Variants in PPP1R9A observed in about 807,000 individuals in gnomAD.
PPP1R9A encodes protein phosphatase 1 regulatory subunit 9A, also known as neurabin-1.
A neutral mutation model predicts 141.9 loss-of-function variants in PPP1R9A; 59 were observed. The ratio of observed to expected loss-of-function variants is 0.42; its 90% confidence interval spans 0.34 to 0.52. The LOEUF (loss-of-function observed/expected upper bound fraction) is 0.52. PPP1R9A is among the 20% of genes least tolerant of loss of function. The pLI, the probability that PPP1R9A is intolerant of heterozygous loss-of-function variation, is 0.10. For missense variants in PPP1R9A, 1,444 were observed against 1,611.9 expected (o/e 0.90, Z 1.78); for synonymous variants, 500 against 569.7 (o/e 0.88, Z 1.74).
At chr7:95,215,216 C>G (rs192094968) in intron 7 of PPP1R9A, among the ~76,000 whole-genome samples, 1 of 147,090 alleles carries the variant, frequency 6.8e-6, no homozygotes, top group South Asian at 2.2e-4. Context: ...TGAGAACATG[C>G]GGTGTTTGTT....
chr7:95,069,763 T>A (rs1018959363), intron 2 of PPP1R9A, among the ~76,000 whole-genome samples: 4 of 152,088 alleles, frequency 2.6e-5, no homozygotes, highest in Admixed American at 6.6e-5. Context: ...TTCTTTTTCA[T>A]GAGAATGTTC....
chr7:95,022,823 T>G (rs1806188841), intron 2 of PPP1R9A, among the ~76,000 whole-genome samples: 2 of 152,220 alleles, frequency 1.3e-5, no homozygotes, highest in African/African-American at 2.4e-5. Flanking sequence ...ATCTCAGGGA[T>G]GAAGCCAACT....
chr7:95,072,689 AT>A (rs1254868969), intron 2 of PPP1R9A, among the ~76,000 whole-genome samples: 1 of 117,506 alleles, frequency 8.5e-6, no homozygotes, highest in Non-Finnish European at 1.7e-5. Context: ...CATATTATAT[AT>A]TATGTAATAT....
At chr7:95,264,662 A>C (rs1563523964) in intron 12 of PPP1R9A, among the ~76,000 whole-genome samples, 1 of 152,170 alleles carries the variant, frequency 6.6e-6, no homozygotes, top group East Asian at 1.9e-4. Context: ...CTGCTCTGTC[A>C]TTAGCTACTT....
intron 2 of PPP1R9A, among the ~76,000 whole-genome samples, chr7:95,055,281 ATTTCTGTTGAGAACTCTAGTACTGAAGT>A (rs537502623): frequency 1.5e-3 from 221 of 151,320 alleles, no homozygotes; most frequent in African/African-American, 5.1e-3. Flanking sequence ...CAACCTCCCC[ATTTCTGTTGAGAACTCTAGTACTGAAGT>A]TTTCTGTTGA....
At chr7:94,925,707 C>A (rs1020230958) in intron 2 of PPP1R9A, among the ~76,000 whole-genome samples, 11 of 152,152 alleles carry the variant, frequency 7.2e-5, no homozygotes, top group African/African-American at 2.4e-4. Flanking sequence ...CACCGCTTGG[C>A]ACATTGTAGG....
intron 2 of PPP1R9A, among the ~76,000 whole-genome samples, chr7:95,086,363 ATAAG>A (rs1816636143): frequency 6.6e-6 from 1 of 152,070 alleles, no homozygotes; most frequent in South Asian, 2.1e-4. Flanking sequence ...TGACACAAAT[ATAAG>A]TAAGCATTTT....
chr7:95,267,793 CAAA>C (rs1801536033), intron 12 of PPP1R9A, among the ~76,000 whole-genome samples: 1 of 152,040 alleles, frequency 6.6e-6, no homozygotes, highest in Non-Finnish European at 1.5e-5. Flanking sequence ...GAGGCACATA[CAAA>C]TAACTTGTAA....
chr7:95,203,748 A>G lies in PPP1R9A; in HGVS notation c.1956+18A>G. 1 of 1,502,556 alleles carries G rather than the reference A, an allele frequency of 6.7e-7. No individual in the cohort carries two copies. The highest frequency in any genetic ancestry group is 9.0e-7 in the Non-Finnish European group (1 of 1,116,296). The allele number at this position is 1,502,556 out of a possible 1,614,324, so 93.1% of individuals were successfully genotyped here. A position where few individuals can be genotyped will look rare whatever the true frequency, so the allele number is the denominator to read the frequency against. ...TTCTTAAGGTTTGTTTTTTGGTTTA[A>G]AGTAATGCTTACCTGTACTTTCCTG... On this transcript the variant is annotated intron_variant, in intron 7 of 19. Transcript: ENST00000433360.
At chr7:95,194,719 C>CAAAAAAAAAA (rs372060355) in intron 5 of PPP1R9A, among the ~76,000 whole-genome samples, 1 of 114,592 alleles carries the variant, frequency 8.7e-6, no homozygotes, top group Non-Finnish European at 2.0e-5. Flanking sequence ...CTTACAATAC[C>CAAAAAAAAAA]AAAAAAAAAA....
intron 2 of PPP1R9A, among the ~76,000 whole-genome samples, chr7:95,035,399 A>C (rs1358514479): frequency 6.6e-6 from 1 of 152,150 alleles, no homozygotes. Flanking sequence ...ATAGGAAAAA[A>C]TGTGAAATTT....
In PPP1R9A at chr7:94,910,656, C is replaced by G; in HGVS notation, c.543C>G (p.Asn181Lys). 6.2e-7 allele frequency: 1 copy of G among 1,614,154 alleles called. No homozygotes were observed. The highest frequency in any genetic ancestry group is 8.5e-7 in the Non-Finnish European group (1 of 1,180,024). Residue 181 changes from asparagine to lysine, a missense_variant, in exon 2 of 20, where the codon AAC becomes AAG. By Grantham distance (94) the Asn-to-Lys change is moderately conservative (BLOSUM62 0). Transcript: ENST00000433360. The surrounding 1 kb of genome is among the most constrained non-coding windows in gnomAD (Gnocchi z 4.5). ...ATGAATGGGGAGGTTCCAAGTCCAA[C>G]AGAGGCAGTACTGATTCCTTGGACA... ...PQDEWGGSKSNRGSTDSLDSL... is the reference protein window; with the variant it reads ...PQDEWGGSKSKRGSTDSLDSL...
rs1806441905 is a variant in PPP1R9A at position 95,292,120 on chromosome 7, C to G, written c.*1817C>G. 6.6e-6 allele frequency: 1 copy of G among 152,080 alleles called. No individual in the cohort carries two copies. Among genetic ancestry groups the G allele is most frequent in the Admixed American group, 6.6e-5 (1 of 15,264 alleles). 9.4% of individuals were successfully genotyped at this position (152,080 alleles called of 1,614,324 possible). On this transcript the variant is annotated 3_prime_UTR_variant, in exon 20 of 20. Transcript: ENST00000433360. ...AAGTAACATTGTGTTTTACAGTTAT[C>G]AAAGTCACCATTATGTTTTTCTGTC...
chr7:95,025,643 C>G (rs533510165), intron 2 of PPP1R9A, among the ~76,000 whole-genome samples: 1 of 152,220 alleles, frequency 6.6e-6, no homozygotes, highest in East Asian at 1.9e-4. Flanking sequence ...GGCAAGTTCT[C>G]CTGGATAAAA....
At chr7:95,050,054 T>C (rs1007623680) in intron 2 of PPP1R9A, among the ~76,000 whole-genome samples, 4 of 152,202 alleles carry the variant, frequency 2.6e-5, no homozygotes, top group Non-Finnish European at 4.4e-5. Flanking sequence ...GGTTAGAGTA[T>C]ATTTAGTTTT....
intron 2 of PPP1R9A, among the ~76,000 whole-genome samples, chr7:95,080,223 T>G (rs963282361): frequency 6.6e-6 from 1 of 152,212 alleles, no homozygotes. Context: ...CTTAAGCTGA[T>G]AAGCAACTTC....
intron 2 of PPP1R9A, among the ~76,000 whole-genome samples, chr7:95,109,641 G>A (rs1475336596): frequency 6.6e-6 from 1 of 152,018 alleles, no homozygotes; most frequent in Non-Finnish European, 1.5e-5. Flanking sequence ...GGGAATTCAA[G>A]ACCAGCATGG....
rs146258858 is a variant in PPP1R9A, at chr7:95,041,628, C to T, written c.1396-69631C>T. On this transcript the variant is annotated intron_variant, in intron 2 of 19. Coordinates refer to ENST00000433360, the MANE Select transcript of PPP1R9A (RefSeq NM_001166160.2). Reference sequence around the variant, plus strand: ...TGTTCCTATTGCAAAGGCTGTGCTTCGTTCAGTTTTCTTTTATTTGTAGTT... The same window carrying T: ...TGTTCCTATTGCAAAGGCTGTGCTTTGTTCAGTTTTCTTTTATTTGTAGTT... 4.6e-5 allele frequency among the ~76,000 whole-genome samples: 7 copies of T among 152,090 alleles called. No individual in the cohort carries two copies. The East Asian group carries it at 1.2e-3, about 25-fold the overall frequency.
At chr7:95,210,107 A>G (rs967785694) in intron 7 of PPP1R9A, among the ~76,000 whole-genome samples, 7 of 152,212 alleles carry the variant, frequency 4.6e-5, no homozygotes, top group Non-Finnish European at 8.8e-5. Context: ...CTTCTCATAT[A>G]GAATATATTT....
Sources: gnomAD v4.1 joint callset for allele counts (sites outside exome capture counted in the v4.1 genomes callset) on GRCh38, gnomAD v4.1.1 for gene constraint, Gnocchi (gnomAD v3.1) non-coding constraint, MANE v1.5 for transcripts, NCBI Gene and HGNC (gene_info 2026-07-23, HGNC 2026-07-21) for gene names.